Variants in QSER1 observed in about 807,000 individuals in gnomAD.
QSER1 encodes the protein glutamine and serine-rich protein 1.
QSER1 carries 49 observed loss-of-function variants against 158.5 expected under a neutral mutation model. That is an observed-to-expected ratio of 0.31 (90% CI 0.25 to 0.39). The LOEUF (loss-of-function observed/expected upper bound fraction) is 0.39, where lower values mean the gene tolerates loss of function less well. QSER1 is among the 10% of genes least tolerant of loss of function. The pLI is 1.00. For missense variants in QSER1, 1,754 were observed against 2,010.3 expected (o/e 0.87, Z 2.44); for synonymous variants, 650 against 715.5 (o/e 0.91, Z 1.46).
chr11:32,976,599 T>C lies in QSER1; in HGVS notation c.*125T>C. 9.8e-7 allele frequency: 1 copy of C among 1,024,222 alleles called. No individual in the cohort carries two copies. The highest frequency in any genetic ancestry group is 2.4e-5 in the Admixed American group (1 of 42,140). 63.4% of individuals were successfully genotyped at this position (1,024,222 alleles called of 1,614,324 possible). A position where few individuals can be genotyped will look rare whatever the true frequency, so the allele number is the denominator to read the frequency against. ...GGCCGCTTCCATCATGGAACTGTCA[T>C]TACCACCTCTGCTGAAGGACAGTGG... On this transcript the variant is annotated 3_prime_UTR_variant, in exon 13 of 13. Coordinates refer to ENST00000650167, the MANE Select transcript of QSER1 (RefSeq NM_001076786.3).
intron 1 of QSER1, among the ~76,000 whole-genome samples, chr11:32,921,237 C>T (rs1195015127): frequency 6.6e-6 from 1 of 152,086 alleles, no homozygotes; most frequent in African/African-American, 2.4e-5. Flanking sequence ...TGAAAGAAGC[C>T]AGTCATAAAA....
intron 8 of QSER1, among the ~76,000 whole-genome samples, chr11:32,959,495 CAT>C (rs1852583286): frequency 6.6e-6 from 1 of 152,152 alleles, no homozygotes; most frequent in South Asian, 2.1e-4. Flanking sequence ...AATTACAAGA[CAT>C]AATTCAGGCA....
At chr11:32,941,377 T>TC (rs1267138618) in intron 4 of QSER1, among the ~76,000 whole-genome samples, 39 of 66,838 alleles carry the variant, frequency 5.8e-4, no homozygotes, top group Admixed American at 1.2e-3. Context: ...ATGCTATCCC[T>TC]CCCCCCTCCA....
intron 1 of QSER1, among the ~76,000 whole-genome samples, chr11:32,904,898 T>C (rs551820839): frequency 3.3e-5 from 5 of 152,364 alleles, no homozygotes; most frequent in African/African-American, 1.2e-4. Context: ...TTCTTGTTTA[T>C]TGTAGTCTCT....
At position 32,956,035 on chromosome 11, in the gene QSER1, T is replaced by C. The variant is rs1852505003; in HGVS notation, c.4665T>C (p.Tyr1555=). 5.0e-6 allele frequency: 8 copies of C among 1,608,198 alleles called. No individual in the cohort carries two copies. The highest frequency in any genetic ancestry group is 1.3e-5 in the African/African-American group (1 of 74,782). ...CAAAGAGTAAATACAAAAGAATATA[T>C]GTGAAGTTCATTGAAAATGCAAACA... is the stretch of plus-strand genomic sequence containing the variant. The part of the protein sequence containing the change: ...GDAKSKYKRI[Y]VKFIENANKK... Residue 1555 remains tyrosine, a synonymous_variant, in exon 7 of 13, where the codon TAT becomes TAC. Transcript: ENST00000650167.
At chr11:32,931,661 A>G in intron 3 of QSER1, 82 bp from the exon 4 acceptor site, 1 of 1,106,332 alleles carries the variant, frequency 9.0e-7, no homozygotes, top group East Asian at 2.4e-5. Context: ...TGATGAGTTG[A>G]GGGTTATGTA....
chr11:32,907,047 A>G (rs770759601), intron 1 of QSER1, among the ~76,000 whole-genome samples: 1 of 152,238 alleles, frequency 6.6e-6, no homozygotes, highest in Non-Finnish European at 1.5e-5. Flanking sequence ...GTATAGTACA[A>G]TTAAAATAGT....
intron 1 of QSER1, among the ~76,000 whole-genome samples, chr11:32,895,993 T>C (rs755697243): frequency 6.6e-6 from 1 of 152,252 alleles, no homozygotes; most frequent in East Asian, 1.9e-4. Flanking sequence ...GAGTACTTGC[T>C]AGGTACTTGG....
chr11:32,969,050 GCTA>G lies in QSER1; in HGVS notation c.5115_5117del (p.Leu1707del). On this transcript the variant is annotated inframe_deletion, in exon 10 of 13. Transcript: ENST00000650167. ...TAAATTATAATGTTGTTTCAGATGA[GCTA>G]CTTTTACCTCATATGAAAAAAATAG... The G allele has an allele frequency of 6.5e-7, 1 of 1,528,548 alleles. No homozygotes were observed. 94.7% of individuals were successfully genotyped at this position (1,528,548 alleles called of 1,614,324 possible). A position where few individuals can be genotyped will look rare whatever the true frequency, so the allele number is the denominator to read the frequency against.
intron 1 of QSER1, among the ~76,000 whole-genome samples, chr11:32,925,675 A>G (rs997737071): frequency 2.0e-5 from 3 of 151,744 alleles, no homozygotes; most frequent in South Asian, 2.1e-4. Flanking sequence ...TTCGAGACCT[A>G]TGCCACCACG....
intron 10 of QSER1, 64 bp from the exon 11 acceptor site, chr11:32,973,333 T>A (rs1326339364): frequency 1.3e-6 from 2 of 1,535,496 alleles, no homozygotes; most frequent in African/African-American, 1.4e-5. Flanking sequence ...AAATTTTAGA[T>A]AGCTAGAAGT....
intron 4 of QSER1, among the ~76,000 whole-genome samples, chr11:32,940,636 G>T (rs1422347990): frequency 6.6e-6 from 1 of 151,990 alleles, no homozygotes; most frequent in Non-Finnish European, 1.5e-5. Context: ...AGTTTTTCTT[G>T]AGGTCGCTTG....
chr11:32,933,875 G>T lies in QSER1; in HGVS notation c.2617G>T (p.Gly873Cys), dbSNP rs116799237. ...TCTTCAGCAGTCAATACTGCAGGCAGGTTTAGGTCAAGTAAAGGCATCTTT... is the reference window on the plus strand; with the variant it reads ...TCTTCAGCAGTCAATACTGCAGGCATGTTTAGGTCAAGTAAAGGCATCTTT... Reference protein sequence around the residue: ...QILQQSILQAGLGQVKASLQA... With the variant: ...QILQQSILQACLGQVKASLQA... The change falls in exon 4 of 13, where the codon GGT (glycine) becomes TGT (cysteine). Residue 873 changes from glycine (G) to cysteine (C), a missense_variant. By Grantham distance (159) the Gly-to-Cys change is radical (BLOSUM62 -3). Transcript: ENST00000650167. 6.2e-7 allele frequency: 1 copy of T among 1,613,486 alleles called. No homozygotes were observed.
At chr11:32,921,955 G>T (rs1851904696) in intron 1 of QSER1, among the ~76,000 whole-genome samples, 1 of 152,136 alleles carries the variant, frequency 6.6e-6, no homozygotes, top group Non-Finnish European at 1.5e-5. Context: ...CCATATATAT[G>T]GTTTATTGGT....
chr11:32,941,435 T>C (rs1852234700), intron 4 of QSER1, among the ~76,000 whole-genome samples: 1 of 133,430 alleles, frequency 7.5e-6, no homozygotes, highest in African/African-American at 2.8e-5. Context: ...CCTGTGTCCA[T>C]GTTATCTCAC....
intron 1 of QSER1, among the ~76,000 whole-genome samples, chr11:32,894,969 C>T (rs1387165533): frequency 6.6e-6 from 1 of 152,166 alleles, no homozygotes; most frequent in Non-Finnish European, 1.5e-5. Context: ...CATTGAACAG[C>T]ATGATAGGTA....
At chr11:32,943,074 C>G (rs1306551209) in intron 4 of QSER1, among the ~76,000 whole-genome samples, 3 of 150,690 alleles carry the variant, frequency 2.0e-5, no homozygotes, top group Non-Finnish European at 4.5e-5. Flanking sequence ...GATTTTTGCA[C>G]ATTGATTTTG....
rs757881809 is a variant in QSER1 at position 32,966,326 on chromosome 11, A to C, written c.4996A>C (p.Thr1666Pro). Residue 1666 changes from threonine to proline, a missense_variant, in exon 9 of 13, where the codon ACT (threonine) becomes CCT (proline). Physicochemically the swap from Thr to Pro is conservative, Grantham distance 38. Coordinates refer to ENST00000650167, the MANE Select transcript of QSER1 (RefSeq NM_001076786.3). ...EEFEPPAPFVTRFLNTRAMKE... is the reference protein window; with the variant it reads ...EEFEPPAPFVPRFLNTRAMKE... Reference sequence around the variant, plus strand: ...ATTTGAACCTCCCGCTCCCTTTGTCACTCGCTTTTTGAACACAAGAGCAAT... The same window carrying C: ...ATTTGAACCTCCCGCTCCCTTTGTCCCTCGCTTTTTGAACACAAGAGCAAT... The C allele has an allele frequency of 6.2e-7, 1 of 1,613,658 alleles. No homozygotes were observed. Among genetic ancestry groups the C allele is most frequent in the Non-Finnish European group, 8.5e-7 (1 of 1,179,906 alleles).
intron 9 of QSER1, among the ~76,000 whole-genome samples, chr11:32,967,702 G>A (rs980131590): frequency 1.5e-4 from 23 of 152,164 alleles, no homozygotes; most frequent in Middle Eastern, 3.2e-3. Context: ...CAGGTTCAGA[G>A]AGGTTAAGTG....
Sources: gnomAD v4.1 joint callset for allele counts (sites outside exome capture counted in the v4.1 genomes callset) on GRCh38, gnomAD v4.1.1 for gene constraint, MANE v1.5 for transcripts, NCBI Gene and HGNC (gene_info 2026-07-23, HGNC 2026-07-21) for gene names.